Variants in MYO3B observed in about 807,000 individuals in gnomAD.
MYO3B encodes the protein myosin-IIIb.
Under a neutral mutation model 174.6 loss-of-function variants are expected in MYO3B, and 156 were observed. That is an observed-to-expected ratio of 0.89 (90% CI 0.78 to 1.02). MYO3B has a LOEUF of 1.02. MYO3B is among the 50% of genes least tolerant of loss of function. The pLI is 0.00. For missense variants in MYO3B, 1,632 were observed against 1,639.4 expected (o/e 1.00, Z 0.08); for synonymous variants, 563 against 569.1 (o/e 0.99, Z 0.15).
At chr2:170,197,991 A>AACCCTGAAGAATTGAGTCCATCT (rs2092618883) in intron 1 of MYO3B, among the ~76,000 whole-genome samples, 1 of 152,186 alleles carries the variant, frequency 6.6e-6, no homozygotes, top group Non-Finnish European at 1.5e-5. Context: ...TGCTCACTGC[A>AACCCTGAAGAATTGAGTCCATCT]ACCCTGAAGA....
chr2:170,311,712 C>T (rs1051722044), intron 7 of MYO3B, among the ~76,000 whole-genome samples: 10 of 151,866 alleles, frequency 6.6e-5, no homozygotes, highest in Non-Finnish European at 1.3e-4. Flanking sequence ...TACCTCTATG[C>T]GTTCTTCTAA....
At chr2:170,472,145 C>T (rs1188392836) in intron 25 of MYO3B, among the ~76,000 whole-genome samples, 1 of 152,006 alleles carries the variant, frequency 6.6e-6, no homozygotes, top group African/African-American at 2.4e-5. Flanking sequence ...GGACTTCCTG[C>T]CTATTTCATT....
rs531963783 is a variant in MYO3B at position 170,651,726 on chromosome 2, C to A, written c.3832C>A (p.Gln1278Lys). The A allele has an allele frequency of 1.2e-6, 2 of 1,613,658 alleles. No homozygotes were observed. The highest frequency in any genetic ancestry group is 1.7e-6 in the Non-Finnish European group (2 of 1,179,656). ...SSPEDTMYYN[Q>K]LNGTLEYQGS... is the part of the protein sequence containing the mutation. The stretch of plus-strand genomic sequence containing the variant: ...CCCTGAGGACACCATGTACTATAAC[C>A]AGTTAAATGTGAGTTCAAAGTGGCC... The change falls in exon 33 of 35, where the codon CAG (glutamine) becomes AAG (lysine). Residue 1278 changes from glutamine to lysine, a missense_variant. Transcript: ENST00000408978.
At chr2:170,511,325 C>T (rs1687973088) in intron 28 of MYO3B, among the ~76,000 whole-genome samples, 1 of 152,052 alleles carries the variant, frequency 6.6e-6, no homozygotes. Context: ...CTCGGCTTCC[C>T]AAAGTGCTAG....
intron 24 of MYO3B, among the ~76,000 whole-genome samples, chr2:170,463,810 T>G (rs1259335663): frequency 2.0e-5 from 3 of 152,208 alleles, no homozygotes; most frequent in African/African-American, 7.2e-5. Flanking sequence ...ATTGACCCCT[T>G]GTAAAACCCA....
At chr2:170,237,139 C>T (rs918556969) in intron 7 of MYO3B, among the ~76,000 whole-genome samples, 2 of 152,200 alleles carry the variant, frequency 1.3e-5, no homozygotes, top group African/African-American at 4.8e-5. Context: ...ATCACAAAAA[C>T]AGGTCACAGC....
chr2:170,484,358 T>C (rs1443858390), intron 25 of MYO3B, among the ~76,000 whole-genome samples: 6 of 152,186 alleles, frequency 3.9e-5, no homozygotes, highest in Non-Finnish European at 7.4e-5. Context: ...TGAATATTCA[T>C]TGTGAAATCA....
At chr2:170,443,181 G>A (rs535062182) in intron 22 of MYO3B, among the ~76,000 whole-genome samples, 8 of 152,278 alleles carry the variant, frequency 5.3e-5, no homozygotes, top group East Asian at 3.9e-4. Flanking sequence ...TTTAATGACC[G>A]CCATTCTAAC....
chr2:170,196,330 G>C (rs1241899944), intron 1 of MYO3B, among the ~76,000 whole-genome samples: 1 of 152,146 alleles, frequency 6.6e-6, no homozygotes, highest in Non-Finnish European at 1.5e-5. Context: ...AACACGGCAA[G>C]ACCCTGTCTT....
At chr2:170,348,948 C>A (rs2105590155) in intron 8 of MYO3B, among the ~76,000 whole-genome samples, 1 of 152,282 alleles carries the variant, frequency 6.6e-6, no homozygotes, top group Admixed American at 6.5e-5. Context: ...CCAACTAGAG[C>A]AGCAGCTTTC....
chr2:170,523,575 G>A (rs200935482), intron 30 of MYO3B, among the ~76,000 whole-genome samples: 280 of 152,292 alleles, frequency 1.8e-3, no homozygotes, highest in African/African-American at 6.5e-3. Flanking sequence ...AGGATCCCTC[G>A]AGACAAAAGG....
At chr2:170,201,970 C>T (rs544809480) in intron 3 of MYO3B, among the ~76,000 whole-genome samples, 6 of 152,262 alleles carry the variant, frequency 3.9e-5, no homozygotes, top group South Asian at 2.1e-4. Context: ...CAGGAATTTT[C>T]GAGGGCCTAA....
In MYO3B at chr2:170,400,258, C is replaced by G; in HGVS notation, c.1862C>G (p.Ser621Cys). The change falls in exon 17 of 35, where the codon TCC becomes TGC. Residue 621 changes from serine (S) to cysteine (C), a missense_variant. Physicochemically the swap from Ser to Cys is moderately radical, Grantham distance 112. Transcript: ENST00000408978. ...NIGNIEFAAI[S>C]SQHQTDKSEV... ...GGGAACATTGAGTTCGCAGCTATTTCCTCTCAACATCAGACTGATAAAAGT... is the reference window on the plus strand; with the variant it reads ...GGGAACATTGAGTTCGCAGCTATTTGCTCTCAACATCAGACTGATAAAAGT... 6.2e-7 allele frequency: 1 copy of G among 1,614,080 alleles called. No homozygotes were observed. The highest frequency in any genetic ancestry group is 8.5e-7 in the Non-Finnish European group (1 of 1,180,002).
intron 32 of MYO3B, among the ~76,000 whole-genome samples, chr2:170,635,838 A>G (rs1167583109): frequency 6.6e-6 from 1 of 152,194 alleles, no homozygotes; most frequent in Non-Finnish European, 1.5e-5. Context: ...AATGAATTTA[A>G]TCAATAATGT....
intron 7 of MYO3B, among the ~76,000 whole-genome samples, chr2:170,324,217 G>A (rs973896497): frequency 5.9e-5 from 9 of 152,066 alleles, no homozygotes; most frequent in Non-Finnish European, 8.8e-5. Context: ...CTGTATTTGT[G>A]GCCCTTTCCC....
rs933647847 is a variant in MYO3B, at chr2:170,400,189, A to C, written c.1793A>C (p.Glu598Ala). Reference sequence around the variant, plus strand: ...TATGGTTCTTGATGTCCTTTTCAGGAGGTGCACTCAGTGTACAGAATTTTG... The same window carrying C: ...TATGGTTCTTGATGTCCTTTTCAGGCGGTGCACTCAGTGTACAGAATTTTG... Reference protein sequence around the residue: ...CFRIIGFTDKEVHSVYRILAG... With the variant: ...CFRIIGFTDKAVHSVYRILAG... The change falls in exon 17 of 35, where the codon GAG becomes GCG. Residue 598 changes from glutamate to alanine, a missense_variant and splice_region_variant. Physicochemically the swap from Glu to Ala is moderately radical, Grantham distance 107 (BLOSUM62 -1). Transcript: ENST00000408978. The C allele has an allele frequency of 1.2e-6, 2 of 1,613,880 alleles. No homozygotes were observed. Among genetic ancestry groups the C allele is most frequent in the African/African-American group, 1.3e-5 (1 of 74,880 alleles).
At position 170,224,034 on chromosome 2, in the gene MYO3B, G is replaced by A. The variant is rs562408183; in HGVS notation, c.603+6639G>A. On this transcript the variant is annotated intron_variant, in intron 6 of 34. Transcript: ENST00000408978. ...GACCTGATGATCCAGTAACTATGGG[G>A]GGAAAGGTCTGTTTGACAAGCAGGG... Among the ~76,000 whole-genome samples, 154 of 152,270 alleles carry A rather than the reference G, an allele frequency of 1.0e-3. 2 individuals carry two copies. Among genetic ancestry groups the A allele is most frequent in the African/African-American group, 3.6e-3 (148 of 41,524 alleles).
chr2:170,478,067 C>T (rs1685423357), intron 25 of MYO3B, among the ~76,000 whole-genome samples: 1 of 152,156 alleles, frequency 6.6e-6, no homozygotes, highest in South Asian at 2.1e-4. Context: ...GCTAAGGCAG[C>T]CACGTCTCTA....
chr2:170,416,443 G>A (rs115055780), intron 22 of MYO3B, among the ~76,000 whole-genome samples: 10,343 of 140,444 alleles, frequency 0.074, 415 homozygotes, highest in Non-Finnish European at 0.099. Flanking sequence ...AGAATCACTT[G>A]AACCTCAGAG....
Sources: gnomAD v4.1 joint callset for allele counts (sites outside exome capture counted in the v4.1 genomes callset) on GRCh38, gnomAD v4.1.1 for gene constraint, MANE v1.5 for transcripts, NCBI Gene and HGNC (gene_info 2026-07-23, HGNC 2026-07-21) for gene names.